The following PTBP3 variants were observed in gnomAD, a reference collection of about 807,000 sequenced individuals.
PTBP3 encodes polypyrimidine tract-binding protein 3.
PTBP3 carries 20 observed loss-of-function variants against 58.7 expected under a neutral mutation model. The ratio of observed to expected loss-of-function variants is 0.34; its 90% CI spans 0.24 to 0.50. The LOEUF is 0.50. Ranked by LOEUF, PTBP3 falls within the 20% of genes least tolerant of loss-of-function variation. The pLI is 0.98. For missense variants in PTBP3, 509 were observed against 637.2 expected (o/e 0.80, Z 2.17); for synonymous variants, 185 against 219.8 (o/e 0.84, Z 1.40).
the PTBP3 span, among the ~76,000 whole-genome samples, chr9:112,363,784 C>T: frequency 2.0e-5 from 3 of 152,148 alleles, no homozygotes; most frequent in Non-Finnish European, 4.4e-5. Context: ...CATACTCCCT[C>T]CTCCACCATT....
At chr9:112,349,684 C>T in the PTBP3 span, among the ~76,000 whole-genome samples, 955 of 151,818 alleles carry the variant, frequency 6.3e-3, 8 homozygotes, top group South Asian at 0.018. Context: ...CATGGTGAAA[C>T]CCTGTCTCTA....
chr9:112,347,904 T>TTTA, the PTBP3 span, among the ~76,000 whole-genome samples: 6 of 152,324 alleles, frequency 3.9e-5, no homozygotes, highest in East Asian at 3.9e-4. Context: ...TGCCTCATAA[T>TTTA]TTATATATAT....
chr9:112,332,861 C>T, intron 1 of PTBP3: 1 of 1,610,572 alleles, frequency 6.2e-7, no homozygotes, highest in African/African-American at 1.3e-5. Flanking sequence ...AAGTCCAGAC[C>T]CCTGGTGTCG....
chr9:112,328,654 G>C (rs1407607380), intron 1 of PTBP3, among the ~76,000 whole-genome samples: 1 of 152,074 alleles, frequency 6.6e-6, no homozygotes, highest in Non-Finnish European at 1.5e-5. Flanking sequence ...GGGCATGGTG[G>C]TGCACGCTTG....
rs1257996819 is a variant in PTBP3, at chr9:112,223,780, C to T, written c.*71G>A. The stretch of plus-strand genomic sequence containing the variant: ...TGAAAGAGGCAAAATTGGTCTTGAG[C>T]TGCTTCAGTCTATGTCTGAAGGTTT... On this transcript the variant is annotated 3_prime_UTR_variant, in exon 14 of 14. Transcript: ENST00000374257. The T allele has an allele frequency of 1.9e-6, 3 of 1,593,638 alleles. No individual in the cohort carries two copies. Among genetic ancestry groups the T allele is most frequent in the African/African-American group, 1.4e-5 (1 of 73,936 alleles).
chr9:112,314,159 T>C (rs1829605893), intron 1 of PTBP3, among the ~76,000 whole-genome samples: 1 of 151,640 alleles, frequency 6.6e-6, no homozygotes, highest in Non-Finnish European at 1.5e-5. Context: ...AATTTTGGGG[T>C]CCTTGGGAAG....
At chr9:112,290,695 T>TACAC (rs1335488388) in intron 2 of PTBP3, among the ~76,000 whole-genome samples, 26 of 76,856 alleles carry the variant, frequency 3.4e-4, no homozygotes, top group Admixed American at 1.3e-3. Context: ...AAAATATATA[T>TACAC]ATATATATAT....
chr9:112,220,332 G>A lies in PTBP3; in HGVS notation c.*3519C>T. 1.5e-6 allele frequency: 2 copies of A among 1,292,096 alleles called. No individual in the cohort carries two copies. Among genetic ancestry groups the A allele is most frequent in the Non-Finnish European group, 2.0e-6 (2 of 989,008 alleles). 80.0% of individuals were successfully genotyped at this position (1,292,096 alleles called of 1,614,324 possible). Reference sequence around the variant, plus strand: ...TGTAATCCCAGCACTGTGGGGAGGTGGAAGCAGGAGAATCACTTGAGCCCA... The same window carrying A: ...TGTAATCCCAGCACTGTGGGGAGGTAGAAGCAGGAGAATCACTTGAGCCCA... On this transcript the variant is annotated 3_prime_UTR_variant, in exon 14 of 14. Transcript: ENST00000374257.
chr9:112,261,780 A>G (rs1283820116), intron 5 of PTBP3, among the ~76,000 whole-genome samples: 5 of 152,234 alleles, frequency 3.3e-5, no homozygotes, highest in Admixed American at 3.3e-4. Context: ...AACATGGGAA[A>G]TTACATCAGG....
intron 1 of PTBP3, among the ~76,000 whole-genome samples, chr9:112,311,578 A>T (rs1048411739): frequency 6.6e-6 from 1 of 152,148 alleles, no homozygotes; most frequent in African/African-American, 2.4e-5. Context: ...GACTTCACCT[A>T]TACAGAGCCA....
intron 2 of PTBP3, among the ~76,000 whole-genome samples, chr9:112,292,042 C>A (rs138955787): frequency 1.3e-5 from 2 of 152,082 alleles, no homozygotes; most frequent in African/African-American, 4.8e-5. Flanking sequence ...AAAAAATGGG[C>A]AAATTGAAGT....
At chr9:112,309,148 A>G (rs1829364577) in intron 1 of PTBP3, among the ~76,000 whole-genome samples, 1 of 152,192 alleles carries the variant, frequency 6.6e-6, no homozygotes, top group East Asian at 1.9e-4. Flanking sequence ...CTACATGACT[A>G]TACAAAAGAG....
chr9:112,248,637 C>T (rs1229824293), intron 7 of PTBP3, among the ~76,000 whole-genome samples: 1 of 152,120 alleles, frequency 6.6e-6, no homozygotes, highest in Non-Finnish European at 1.5e-5. Context: ...TTTTTAACCT[C>T]ACTCCTTTCA....
intron 7 of PTBP3, among the ~76,000 whole-genome samples, chr9:112,248,854 A>G (rs1444680802): frequency 6.6e-6 from 1 of 152,178 alleles, no homozygotes; most frequent in Non-Finnish European, 1.5e-5. Flanking sequence ...CAACCAAACT[A>G]TTTATCAACA....
At chr9:112,319,021 G>A (rs891083528) in intron 1 of PTBP3, among the ~76,000 whole-genome samples, 22 of 151,648 alleles carry the variant, frequency 1.5e-4, no homozygotes, top group African/African-American at 5.3e-4. Flanking sequence ...CATCTACTCG[G>A]GAGGCTGAGG....
chr9:112,346,691 A>G, the PTBP3 span, among the ~76,000 whole-genome samples: 1 of 152,220 alleles, frequency 6.6e-6, no homozygotes, highest in South Asian at 2.1e-4. Context: ...ATTTCAATTT[A>G]AGGTTAGAGA....
In PTBP3 at chr9:112,306,607, TTTGTTTG is replaced by T. The variant is rs1564450943; in HGVS notation, c.-51-8698_-51-8692del. Among the ~76,000 whole-genome samples, 398 of 50,562 alleles carry T rather than the reference TTTGTTTG, an allele frequency of 7.9e-3. 1 individual carries two copies. Among genetic ancestry groups the T allele is most frequent in the African/African-American group, 0.025 (345 of 14,074 alleles). The allele number at this position is 50,562 out of a possible 152,430, so 33.2% of individuals were successfully genotyped here. On this transcript the variant is annotated intron_variant, in intron 1 of 13. Transcript: ENST00000374257. Reference sequence around the variant, plus strand: ...ATTTGTATATATATATATATATATTTTTGTTTGTTTGTTTGTTTGTTTGTTTTGAGAC... The same window carrying T: ...ATTTGTATATATATATATATATATTTTTTGTTTGTTTGTTTGTTTTGAGAC...
chr9:112,223,587 G>GA lies in PTBP3; in HGVS notation c.*263dup. ...ATTTAATATAGGGAATAAGATTATT[G>GA]AAAAAAAATTTTTTTCCTGATTTTC... On this transcript the variant is annotated 3_prime_UTR_variant, in exon 14 of 14. Transcript: ENST00000374257. 8 of 1,133,532 alleles carry GA rather than the reference G, an allele frequency of 7.1e-6. No homozygotes were observed. Among genetic ancestry groups the GA allele is most frequent in the South Asian group, 2.4e-5 (1 of 41,640 alleles). 70.2% of individuals were successfully genotyped at this position (1,133,532 alleles called of 1,614,324 possible).
chr9:112,251,389 C>T lies in PTBP3; in HGVS notation c.628-286G>A, dbSNP rs539408818. ...AGAAATGTAAAAGATTGGAAAACTA[C>T]TGTCTATCATAGAAATGTTCACTAT... is the stretch of plus-strand genomic sequence containing the variant. On this transcript the variant is annotated intron_variant, in intron 6 of 13. Coordinates refer to ENST00000374257, the MANE Select transcript of PTBP3 (RefSeq NM_001163788.4). Among the ~76,000 whole-genome samples the T allele has an allele frequency of 1.1e-4, 16 of 152,240 alleles. No individual in the cohort carries two copies. The South Asian group carries it at 2.1e-3, about 20-fold the overall frequency.
Sources: allele counts gnomAD v4.1 joint callset (sites outside exome capture counted in the v4.1 genomes callset), GRCh38; gene constraint gnomAD v4.1.1; transcripts MANE v1.5; gene names NCBI Gene and HGNC (gene_info 2026-07-23, HGNC 2026-07-21).